LRP1B: variants seen among roughly 807,000 people sequenced by gnomAD.
LRP1B encodes the protein LDL receptor related protein 1B, also known as low-density lipoprotein receptor-related protein 1B.
LRP1B carries 217 observed loss-of-function variants against 556.6 expected under a neutral mutation model. The observed-to-expected ratio is 0.39, with a 90% CI of 0.35 to 0.44. The LOEUF (loss-of-function observed/expected upper bound fraction) is 0.44, where lower values mean the gene tolerates loss of function less well. Among genes scored for constraint, LRP1B ranks in the 20% least tolerant of loss-of-function variants. LRP1B has a pLI of 1.00. For missense variants in LRP1B, 5,053 were observed against 5,620.8 expected, an observed-to-expected ratio of 0.90 and a Z score of 3.23; for synonymous variants, 2,047 against 1,865.8, an observed-to-expected ratio of 1.10 and a Z score of -2.50.
chr2:141,729,054 T>TA (rs1277033990), intron 2 of LRP1B, among the ~76,000 whole-genome samples: 1 of 152,124 alleles, frequency 6.6e-6, no homozygotes, highest in Non-Finnish European at 1.5e-5. Context: ...TTCATTCCGC[T>TA]TATTACAGCA....
intron 2 of LRP1B, among the ~76,000 whole-genome samples, chr2:141,586,952 G>GAA (rs71391660): frequency 1.0e-5 from 1 of 96,890 alleles, no homozygotes; most frequent in Non-Finnish European, 2.2e-5. Flanking sequence ...AAAAAAAAAA[G>GAA]AAAAAAAAAA....
intron 43 of LRP1B, among the ~76,000 whole-genome samples, chr2:140,558,473 T>C (rs1470802832): frequency 6.6e-6 from 1 of 152,132 alleles, no homozygotes; most frequent in African/African-American, 2.4e-5. Context: ...AAAATATTAT[T>C]CCAATTAAAG....
At chr2:141,942,007 T>C (rs1397860666) in intron 1 of LRP1B, among the ~76,000 whole-genome samples, 1 of 152,238 alleles carries the variant, frequency 6.6e-6, no homozygotes, top group Non-Finnish European at 1.5e-5. Context: ...GTATTTAATC[T>C]CTTCTCCTTC....
intron 2 of LRP1B, among the ~76,000 whole-genome samples, chr2:141,693,575 A>G (rs1205996589): frequency 6.6e-6 from 1 of 152,060 alleles, no homozygotes; most frequent in Non-Finnish European, 1.5e-5. Flanking sequence ...GAATGTAGAT[A>G]CTGCTGTGTT....
Position 141,464,606 on chromosome 2 carries a change from A to ATATTTTTTTTTTTTTTTTTTTTTTTT in LRP1B, c.343+15789_343+15790insAAAAAAAAAAAAAAAAAAAAAAAATA. Among the ~76,000 whole-genome samples the ATATTTTTTTTTTTTTTTTTTTTTTTT allele has an allele frequency of 4.4e-5, 4 of 90,538 alleles. 1 individual carries two copies. The highest frequency in any genetic ancestry group is 6.6e-5 in the Non-Finnish European group (3 of 45,158). The allele number at this position is 90,538 out of a possible 152,430, so 59.4% of individuals were successfully genotyped here. A position where few individuals can be genotyped will look rare whatever the true frequency, so the allele number is the denominator to read the frequency against. ...TTTGTATATATATATATATATATATATTTTTTTAGTAGAGATGGGGTTTCA... is the reference window on the plus strand; with the variant it reads ...TTTGTATATATATATATATATATATATATTTTTTTTTTTTTTTTTTTTTTTTTTTTTTTAGTAGAGATGGGGTTTCA... On this transcript the variant is annotated intron_variant, in intron 3 of 90. Coordinates refer to ENST00000389484, the MANE Select transcript of LRP1B (RefSeq NM_018557.3).
chr2:141,118,897 C>T (rs1047453873), intron 7 of LRP1B, among the ~76,000 whole-genome samples: 2 of 151,502 alleles, frequency 1.3e-5, no homozygotes, highest in Admixed American at 6.6e-5. Context: ...TTCAAAGCAG[C>T]GTTAAGAAAT....
chr2:141,323,165 T>C (rs1302197124), intron 3 of LRP1B, among the ~76,000 whole-genome samples: 2 of 152,080 alleles, frequency 1.3e-5, no homozygotes, highest in Admixed American at 1.3e-4. Flanking sequence ...GGACAAAATA[T>C]GAACCATTGA....
intron 7 of LRP1B, among the ~76,000 whole-genome samples, chr2:141,119,925 A>C (rs1190454298): frequency 1.3e-5 from 2 of 151,888 alleles, no homozygotes; most frequent in Non-Finnish European, 2.9e-5. Flanking sequence ...CATAATAATC[A>C]TATGTTGTAT....
At chr2:141,850,984 C>G (rs1433640115) in intron 1 of LRP1B, among the ~76,000 whole-genome samples, 1 of 151,628 alleles carries the variant, frequency 6.6e-6, no homozygotes, top group Non-Finnish European at 1.5e-5. Context: ...ACAGCCTTCC[C>G]ATAAAATATT....
intron 13 of LRP1B, among the ~76,000 whole-genome samples, chr2:141,014,390 T>C (rs1196337579): frequency 1.3e-5 from 2 of 152,102 alleles, no homozygotes; most frequent in Non-Finnish European, 2.9e-5. Context: ...TATATTGTTT[T>C]GTTGTTCCTT....
chr2:141,274,185 T>C (rs1685195363), intron 3 of LRP1B, among the ~76,000 whole-genome samples: 1 of 152,204 alleles, frequency 6.6e-6, no homozygotes, highest in South Asian at 2.1e-4. Flanking sequence ...AGAGTCACTG[T>C]ATGTCCCAAC....
intron 31 of LRP1B, among the ~76,000 whole-genome samples, chr2:140,815,197 G>A (rs1315187337): frequency 6.6e-6 from 1 of 151,682 alleles, no homozygotes; most frequent in Non-Finnish European, 1.5e-5. Flanking sequence ...GAGACACACA[G>A]ATTCAAGTGC....
intron 27 of LRP1B, among the ~76,000 whole-genome samples, chr2:140,855,858 T>A (rs1208137373): frequency 6.6e-6 from 1 of 152,034 alleles, no homozygotes; most frequent in Non-Finnish European, 1.5e-5. Context: ...AAAACAGAAA[T>A]CATAAACCTT....
intron 1 of LRP1B, among the ~76,000 whole-genome samples, chr2:142,104,342 A>C (rs1291839278): frequency 6.6e-6 from 1 of 152,122 alleles, no homozygotes; most frequent in Non-Finnish European, 1.5e-5. Context: ...CTGATGCATA[A>C]AATGACATTT....
intron 32 of LRP1B, among the ~76,000 whole-genome samples, chr2:140,794,017 A>G (rs1690212647): frequency 6.6e-6 from 1 of 152,124 alleles, no homozygotes; most frequent in Admixed American, 6.5e-5. Context: ...TTATGCTTAT[A>G]CCTGGAAATC....
At chr2:141,634,194 A>G (rs930737615) in intron 2 of LRP1B, among the ~76,000 whole-genome samples, 1 of 152,042 alleles carries the variant, frequency 6.6e-6, no homozygotes, top group Non-Finnish European at 1.5e-5. Flanking sequence ...TTCTATCAAA[A>G]AAGGCTCATC....
At chr2:141,579,143 C>G (rs1190923115) in intron 2 of LRP1B, among the ~76,000 whole-genome samples, 1 of 152,108 alleles carries the variant, frequency 6.6e-6, no homozygotes, top group Non-Finnish European at 1.5e-5. Context: ...TTTATTTACT[C>G]TTCTTCTTTC....
At chr2:141,498,511 G>T (rs976679053) in intron 2 of LRP1B, among the ~76,000 whole-genome samples, 3 of 151,682 alleles carry the variant, frequency 2.0e-5, no homozygotes, top group Non-Finnish European at 2.9e-5. Flanking sequence ...TTCCTACCTG[G>T]TAAAATAACT....
intron 66 of LRP1B, among the ~76,000 whole-genome samples, chr2:140,426,118 G>C (rs1685640567): frequency 6.6e-6 from 1 of 152,198 alleles, no homozygotes; most frequent in Non-Finnish European, 1.5e-5. Context: ...TAAAGTGCTT[G>C]ATGCTTCCTC....
Sources: allele counts gnomAD v4.1 joint callset (sites outside exome capture counted in the v4.1 genomes callset), GRCh38; gene constraint gnomAD v4.1.1; transcripts MANE v1.5; gene names NCBI Gene and HGNC (gene_info 2026-07-23, HGNC 2026-07-21).